Variants in PCDHA1 observed in about 807,000 individuals in gnomAD.
PCDHA1 encodes protocadherin alpha-1.
Under a neutral mutation model 61.3 loss-of-function variants are expected in PCDHA1, and 42 were observed. The ratio of observed to expected loss-of-function variants is 0.69; its 90% confidence interval spans 0.54 to 0.89. The LOEUF (loss-of-function observed/expected upper bound fraction) is 0.89, where lower values mean the gene tolerates loss of function less well. Among genes scored for constraint, PCDHA1 ranks in the 40% least tolerant of loss-of-function variants. PCDHA1 has a pLI of 0.00. For missense variants in PCDHA1, 1,256 were observed against 1,235.3 expected (o/e 1.02, Z -0.25); for synonymous variants, 610 against 553.8 (o/e 1.10, Z -1.43).
In PCDHA1 at chr5:141,009,850, C is replaced by A; in HGVS notation, c.2766C>A (p.Thr922=). The A allele has an allele frequency of 1.2e-6, 2 of 1,613,572 alleles. No individual in the cohort carries two copies. Among genetic ancestry groups the A allele is most frequent in the Non-Finnish European group, 1.7e-6 (2 of 1,179,906 alleles). ...DFITFGKKEE[T]KKKKKKKKGN... ...TAACCTTCGGCAAAAAGGAGGAGAC[C>A]AAGAAAAAGAAGAAAAAGAAGAAGG... The change falls in exon 4 of 4, where the codon ACC becomes ACA. Residue 922 remains threonine (T), a synonymous_variant. Coordinates refer to ENST00000504120, the MANE Select transcript of PCDHA1 (RefSeq NM_018900.4).
intron 1 of PCDHA1, chr5:140,882,358 G>A: frequency 1.9e-6 from 3 of 1,614,232 alleles, no homozygotes; most frequent in Non-Finnish European, 2.5e-6. Context: ...GTAGTGGCCA[G>A]CTCCACTACT....
chr5:140,865,725 A>T (rs1326307411), intron 1 of PCDHA1: 1 of 152,210 alleles, frequency 6.6e-6, no homozygotes, highest in Non-Finnish European at 1.5e-5. Context: ...AGAAGCTGAG[A>T]TGTGTATCTA....
rs2060245016 is a variant in PCDHA1 at position 140,884,536 on chromosome 5, G to C, written c.2395-94413G>C. 5 of 1,614,090 alleles carry C rather than the reference G, an allele frequency of 3.1e-6. No individual in the cohort carries two copies. In the East Asian group the frequency reaches 1.1e-4, roughly 36 times the overall value. ...GGTCGTACTCGCAGCAGAGGCGGCC[G>C]AGGGTGTGCTCTGGGGAGGGCCCGC... On this transcript the variant is annotated intron_variant, in intron 1 of 3. Transcript: ENST00000504120.
intron 1 of PCDHA1, among the ~76,000 whole-genome samples, chr5:140,937,761 A>C (rs868923892): frequency 6.6e-6 from 1 of 151,650 alleles, no homozygotes; most frequent in Non-Finnish European, 1.5e-5. Flanking sequence ...AAATACAAAA[A>C]ATTAGTCGGG....
At chr5:140,810,598 G>A (rs200197617) in intron 1 of PCDHA1, 2 of 151,742 alleles carry the variant, frequency 1.3e-5, no homozygotes, top group East Asian at 3.9e-4. Flanking sequence ...TTTTATTTTG[G>A]CAATTTTTAT....
chr5:140,994,788 C>G (rs139745274), intron 3 of PCDHA1, among the ~76,000 whole-genome samples: 1 of 152,194 alleles, frequency 6.6e-6, no homozygotes, highest in East Asian at 1.9e-4. Context: ...GGAAACAATG[C>G]GTGCATGCAA....
Position 140,848,429 on chromosome 5 carries a change from G to A in PCDHA1, c.2394+59745G>A. Reference sequence around the variant, plus strand: ...GCGAACACAGCAGAATGGGACTGACGAAATCAGATGATTTCTTCTAATTTG... The same window carrying A: ...GCGAACACAGCAGAATGGGACTGACAAAATCAGATGATTTCTTCTAATTTG... On this transcript the variant is annotated intron_variant, in intron 1 of 3. Transcript: ENST00000504120. 4.1e-6 allele frequency: 6 copies of A among 1,456,724 alleles called. 1 individual carries two copies. Among genetic ancestry groups the A allele is most frequent in the South Asian group, 1.3e-5 (1 of 77,796 alleles). The allele number at this position is 1,456,724 out of a possible 1,614,324, so 90.2% of individuals were successfully genotyped here.
chr5:140,869,939 A>T (rs377186222), intron 1 of PCDHA1: 5 of 1,612,014 alleles, frequency 3.1e-6, no homozygotes, highest in Non-Finnish European at 4.2e-6. Flanking sequence ...GAGGTAACAT[A>T]CTCCTTAATG....
intron 1 of PCDHA1, chr5:140,823,323 G>A: frequency 1.9e-6 from 3 of 1,612,186 alleles, no homozygotes; most frequent in Non-Finnish European, 8.5e-7. Context: ...GCGGCAAGGT[G>A]TACGCGCTGC....
At chr5:140,796,998 C>T (rs1235961462) in intron 1 of PCDHA1, 2 of 1,613,750 alleles carry the variant, frequency 1.2e-6, no homozygotes, top group Admixed American at 1.7e-5. Context: ...CACCCAAGGC[C>T]TCGTCGCGGG....
intron 3 of PCDHA1, among the ~76,000 whole-genome samples, chr5:141,000,385 CTCTCTCTCTCTATATA>C (rs1454405199): frequency 1.1e-4 from 7 of 64,984 alleles, no homozygotes; most frequent in African/African-American, 4.8e-4. Flanking sequence ...CTCTCTCTCT[CTCTCTCTCTCTATATA>C]TATATATATA....
At chr5:140,814,647 CCAA>C (rs1365863768) in intron 1 of PCDHA1, 1 of 151,984 alleles carries the variant, frequency 6.6e-6, no homozygotes, top group Non-Finnish European at 1.5e-5. Context: ...TTTGTTTACA[CCAA>C]CATCACCACA....
rs1374109552 is a variant in PCDHA1 at position 141,010,068 on chromosome 5, T to C, written c.*131T>C. On this transcript the variant is annotated 3_prime_UTR_variant, in exon 4 of 4. Transcript: ENST00000504120. ...AGAGACCTCAGAAATCTGCAGAAAGTTCCCTGTGTCTGTCTAGAACGCATT... is the reference window on the plus strand; with the variant it reads ...AGAGACCTCAGAAATCTGCAGAAAGCTCCCTGTGTCTGTCTAGAACGCATT... 4 of 1,604,732 alleles carry C rather than the reference T, an allele frequency of 2.5e-6. No homozygotes were observed. Among genetic ancestry groups the C allele is most frequent in the Non-Finnish European group, 3.4e-6 (4 of 1,175,400 alleles).
At chr5:140,802,007 T>C in intron 1 of PCDHA1, 1 of 1,614,172 alleles carries the variant, frequency 6.2e-7, no homozygotes. Context: ...CCGATTTGGA[T>C]GAAGGAGTAA....
At chr5:140,813,919 C>G (rs1554126348) in intron 1 of PCDHA1, 1 of 152,274 alleles carries the variant, frequency 6.6e-6, no homozygotes, top group African/African-American at 2.4e-5. Context: ...GGATCCTTGA[C>G]TTGAGGAGGT....
chr5:140,951,659 C>A (rs1293655737), intron 1 of PCDHA1, among the ~76,000 whole-genome samples: 1 of 152,164 alleles, frequency 6.6e-6, no homozygotes, highest in Non-Finnish European at 1.5e-5. Context: ...CCCACCAGGG[C>A]CTGCCTACAA....
At chr5:140,892,550 A>G (rs1337911954) in intron 1 of PCDHA1, among the ~76,000 whole-genome samples, 1 of 152,202 alleles carries the variant, frequency 6.6e-6, no homozygotes, top group East Asian at 1.9e-4. Context: ...TTGTTTCTCT[A>G]GTCCTTGGAG....
rs139113749 is a variant in PCDHA1, at chr5:140,843,258, G to C, written c.2394+54574G>C. On this transcript the variant is annotated intron_variant, in intron 1 of 3. Transcript: ENST00000504120. ...GACGAAGCGGACTCTCCGCGCCACC[G>C]TCTGCTGGTCCTGGTGAAGGATCAT... 5 of 1,595,952 alleles carry C rather than the reference G, an allele frequency of 3.1e-6. 1 individual carries two copies. The African/African-American group carries it at 5.4e-5, about 17-fold the overall frequency.
intron 1 of PCDHA1, chr5:140,967,806 G>A (rs1406839046): frequency 8.1e-6 from 13 of 1,614,180 alleles, no homozygotes; most frequent in Non-Finnish European, 1.1e-5. Flanking sequence ...CCCATGGCAG[G>A]TCACTGCAAG....
Sources: allele counts gnomAD v4.1 joint callset (sites outside exome capture counted in the v4.1 genomes callset), GRCh38; gene constraint gnomAD v4.1.1; transcripts MANE v1.5; gene names NCBI Gene and HGNC (gene_info 2026-07-23, HGNC 2026-07-21).